Variants in TFG observed in about 807,000 individuals in gnomAD.
TFG encodes trafficking from ER to golgi regulator.
In TFG, 22 loss-of-function variants were observed where a neutral mutation model predicts 51.4. That is an observed-to-expected ratio of 0.43 (90% confidence interval 0.31 to 0.61). TFG has a LOEUF of 0.61. Among genes scored for constraint, TFG ranks in the 20% least tolerant of loss-of-function variants. The pLI is 0.12. For missense variants in TFG, 419 were observed against 487.7 expected, an observed-to-expected ratio of 0.86 and a Z score of 1.33; for synonymous variants, 187 against 165.6, an observed-to-expected ratio of 1.13 and a Z score of -0.99.
In TFG at chr3:100,732,758, A is replaced by G. The variant is rs1014195149; in HGVS notation, c.580+86A>G. 2.5e-6 allele frequency: 3 copies of G among 1,202,508 alleles called. No individual in the cohort carries two copies. The East Asian group carries it at 7.3e-5, about 29-fold the overall frequency. The allele number at this position is 1,202,508 out of a possible 1,614,324, so 74.5% of individuals were successfully genotyped here. A position where few individuals can be genotyped will look rare whatever the true frequency, so the allele number is the denominator to read the frequency against. On this transcript the variant is annotated intron_variant, in intron 5 of 7. Coordinates refer to ENST00000240851, the MANE Select transcript of TFG (RefSeq NM_006070.6). ...TCCTTCTTTCTTTAATTGAAGAATA[A>G]CTTGGATATGGTGAAGTGCACAAAT...
At chr3:100,715,838 G>A (rs1319482055) in intron 2 of TFG, among the ~76,000 whole-genome samples, 3 of 150,914 alleles carry the variant, frequency 2.0e-5, no homozygotes, top group Non-Finnish European at 4.4e-5. Context: ...CTGCCAACCC[G>A]GCCTCCCAAA....
intron 5 of TFG, among the ~76,000 whole-genome samples, chr3:100,734,155 A>G (rs953441858): frequency 2.0e-5 from 3 of 151,282 alleles, no homozygotes; most frequent in Non-Finnish European, 2.9e-5. Flanking sequence ...TCCTCTCTTC[A>G]TGGCCTTATC....
intron 2 of TFG, among the ~76,000 whole-genome samples, chr3:100,718,887 C>G (rs1219346128): frequency 6.6e-6 from 1 of 151,996 alleles, no homozygotes; most frequent in African/African-American, 2.4e-5. Context: ...TGATTTGTGT[C>G]CGTTAGATTC....
chr3:100,740,932 A>G (rs889598165), intron 6 of TFG, among the ~76,000 whole-genome samples: 1 of 152,156 alleles, frequency 6.6e-6, no homozygotes, highest in African/African-American at 2.4e-5. Context: ...ATTATAATGG[A>G]GGTGAAAAAT....
chr3:100,732,195 A>G (rs397320), intron 4 of TFG, among the ~76,000 whole-genome samples: 121 of 152,266 alleles, frequency 7.9e-4, no homozygotes, highest in Non-Finnish European at 1.3e-3. Context: ...AAAAAAACCA[A>G]AAAAAGTAAA....
At chr3:100,725,029 G>A (rs139267538) in intron 3 of TFG, among the ~76,000 whole-genome samples, 6 of 152,108 alleles carry the variant, frequency 3.9e-5, no homozygotes, top group Non-Finnish European at 8.8e-5. Context: ...TCAGCTTCCC[G>A]AGTAGCTGGG....
chr3:100,736,036 A>G (rs1234859714), intron 5 of TFG, among the ~76,000 whole-genome samples: 1 of 152,210 alleles, frequency 6.6e-6, no homozygotes, highest in Non-Finnish European at 1.5e-5. Flanking sequence ...AAATATGTGA[A>G]TGTTATATTT....
At chr3:100,734,744 A>T (rs548248492) in intron 5 of TFG, among the ~76,000 whole-genome samples, 1 of 152,312 alleles carries the variant, frequency 6.6e-6, no homozygotes, top group Non-Finnish European at 1.5e-5. Context: ...TACTCACAAA[A>T]GAGAATTGTG....
intron 3 of TFG, 43 bp from the exon 4 acceptor site, chr3:100,728,669 T>G (rs2095082671): frequency 2.0e-6 from 3 of 1,509,424 alleles, no homozygotes; most frequent in Non-Finnish European, 2.7e-6. Flanking sequence ...GTATACTTAT[T>G]CATGAACTTC....
intron 3 of TFG, among the ~76,000 whole-genome samples, chr3:100,727,223 T>C (rs1335563033): frequency 6.6e-6 from 1 of 152,224 alleles, no homozygotes; most frequent in Non-Finnish European, 1.5e-5. Flanking sequence ...CCTGTCTTAC[T>C]GTACCAGACC....
chr3:100,718,653 G>T (rs1022906371), intron 2 of TFG, among the ~76,000 whole-genome samples: 5 of 142,852 alleles, frequency 3.5e-5, no homozygotes, highest in African/African-American at 1.3e-4. Context: ...CACATCCCAG[G>T]TTCAAGTGAT....
intron 6 of TFG, among the ~76,000 whole-genome samples, chr3:100,739,871 T>C (rs2095116593): frequency 6.6e-6 from 1 of 152,180 alleles, no homozygotes; most frequent in Non-Finnish European, 1.5e-5. Context: ...CTTTTTATTT[T>C]TAATTGTGAC....
chr3:100,727,280 A>C (rs2095078695), intron 3 of TFG, among the ~76,000 whole-genome samples: 1 of 152,232 alleles, frequency 6.6e-6, no homozygotes, highest in Non-Finnish European at 1.5e-5. Flanking sequence ...TATTGGAGAA[A>C]AAACAGTAAT....
At chr3:100,718,563 T>G (rs1367940892) in intron 2 of TFG, among the ~76,000 whole-genome samples, 14 of 143,496 alleles carry the variant, frequency 9.8e-5, no homozygotes, top group South Asian at 4.6e-4. Flanking sequence ...TTTTTTTTTT[T>G]TTTTTTTTTT....
chr3:100,737,394 TA>T (rs1559719437), intron 6 of TFG, among the ~76,000 whole-genome samples: 1 of 152,220 alleles, frequency 6.6e-6, no homozygotes, highest in African/African-American at 2.4e-5. Context: ...ATATTTAAAA[TA>T]GGGGATTGAA....
At chr3:100,723,204 T>C (rs993899998) in intron 3 of TFG, among the ~76,000 whole-genome samples, 2 of 152,140 alleles carry the variant, frequency 1.3e-5, no homozygotes, top group African/African-American at 2.4e-5. Context: ...TAAGGACTTA[T>C]TTGGGAGGAA....
intron 3 of TFG, among the ~76,000 whole-genome samples, chr3:100,724,655 A>G (rs934483524): frequency 4.6e-5 from 7 of 152,228 alleles, no homozygotes; most frequent in Non-Finnish European, 1.0e-4. Context: ...AGGAAAATGC[A>G]AACCAGTGTC....
At chr3:100,729,589 T>C (rs906648279) in intron 4 of TFG, among the ~76,000 whole-genome samples, 6 of 152,220 alleles carry the variant, frequency 3.9e-5, no homozygotes, top group Admixed American at 1.3e-4. Context: ...ACTCTTATTA[T>C]TATTTTTTTC....
At chr3:100,726,361 G>GGTC (rs2095075820) in intron 3 of TFG, among the ~76,000 whole-genome samples, 1 of 152,130 alleles carries the variant, frequency 6.6e-6, no homozygotes, top group South Asian at 2.1e-4. Context: ...ACTGAAGATG[G>GGTC]GTCTTCCTCT....
Sources: gnomAD v4.1 joint callset for allele counts (sites outside exome capture counted in the v4.1 genomes callset) on GRCh38, gnomAD v4.1.1 for gene constraint, MANE v1.5 for transcripts, NCBI Gene and HGNC (gene_info 2026-07-23, HGNC 2026-07-21) for gene names.